SH3RF3: variants seen among roughly 807,000 people sequenced by gnomAD.
SH3RF3 encodes SH3 domain containing ring finger 3, also known as E3 ubiquitin-protein ligase SH3RF3.
A neutral mutation model predicts 66.3 loss-of-function variants in SH3RF3; 29 were observed. The observed-to-expected ratio is 0.44, with a 90% CI of 0.33 to 0.60. SH3RF3 has a LOEUF of 0.60. Among genes scored for constraint, SH3RF3 ranks in the 20% least tolerant of loss-of-function variants. The pLI, the probability that SH3RF3 is intolerant of heterozygous loss-of-function variation, is 0.04. For synonymous variants in SH3RF3, 583 were observed against 532.0 expected, an observed-to-expected ratio of 1.10 and a Z score of -1.32; for missense variants, 1,194 against 1,190.9, an observed-to-expected ratio of 1.00 and a Z score of -0.04.
intron 7 of SH3RF3, among the ~76,000 whole-genome samples, chr2:109,448,833 T>C (rs1326853498): frequency 1.3e-5 from 2 of 152,172 alleles, no homozygotes; most frequent in Non-Finnish European, 2.9e-5. Flanking sequence ...GCCAAAATGG[T>C]TGGGGACCGC....
intron 3 of SH3RF3, among the ~76,000 whole-genome samples, chr2:109,390,240 A>G (rs1675949083): frequency 6.6e-6 from 1 of 152,168 alleles, no homozygotes; most frequent in Non-Finnish European, 1.5e-5. Flanking sequence ...TTCTTTGCCC[A>G]TAAACTACCA....
intron 1 of SH3RF3, among the ~76,000 whole-genome samples, chr2:109,262,727 T>A (rs1392320124): frequency 6.6e-6 from 1 of 152,268 alleles, no homozygotes; most frequent in Non-Finnish European, 1.5e-5. Context: ...AATAGCTTTG[T>A]TCTCACTTAC....
At chr2:109,302,901 G>C (rs554161719) in intron 1 of SH3RF3, among the ~76,000 whole-genome samples, 1 of 152,104 alleles carries the variant, frequency 6.6e-6, no homozygotes, top group Admixed American at 6.5e-5. Flanking sequence ...TTTTGAGGCA[G>C]AGTCTTGCTC....
intron 8 of SH3RF3, among the ~76,000 whole-genome samples, chr2:109,481,456 G>T (rs1278362543): frequency 6.6e-6 from 1 of 152,208 alleles, no homozygotes; most frequent in Non-Finnish European, 1.5e-5. Context: ...TATGTTCTCG[G>T]TGACTGGTCA....
chr2:109,351,487 C>T (rs896183230), intron 2 of SH3RF3, among the ~76,000 whole-genome samples: 2 of 152,256 alleles, frequency 1.3e-5, no homozygotes, highest in African/African-American at 4.8e-5. Context: ...TTGTCTTACT[C>T]AGCTCACCTG....
intron 2 of SH3RF3, among the ~76,000 whole-genome samples, chr2:109,349,991 G>C (rs1047992896): frequency 6.6e-6 from 1 of 152,230 alleles, no homozygotes; most frequent in African/African-American, 2.4e-5. Flanking sequence ...AGTCAGGTGC[G>C]GGAGACAGGC....
chr2:109,328,949 G>C lies in SH3RF3; in HGVS notation c.574-18725G>C, dbSNP rs1266645979. On this transcript the variant is annotated intron_variant, in intron 1 of 9. Transcript: ENST00000309415. ...CTGGGGTTGTTAACGGGGTGGTCAT[G>C]ACAAGCTTGGCCACGTCCTTCCTCC... Among the ~76,000 whole-genome samples the C allele has an allele frequency of 2.0e-5, 3 of 152,284 alleles. No individual in the cohort carries two copies. The East Asian group carries it at 5.8e-4, about 29-fold the overall frequency.
At chr2:109,432,757 T>A in intron 6 of SH3RF3, 86 bp downstream of exon 6, 1 of 1,485,018 alleles carries the variant, frequency 6.7e-7, no homozygotes, top group Admixed American at 2.3e-5. Flanking sequence ...GAGGCTACTC[T>A]GTCAGCCGGG....
chr2:109,259,727 C>T (rs1343763432), intron 1 of SH3RF3, among the ~76,000 whole-genome samples: 1 of 152,148 alleles, frequency 6.6e-6, no homozygotes, highest in African/African-American at 2.4e-5. Context: ...TGGTTCTTTT[C>T]ACTTCTTTTT....
At position 109,342,583 on chromosome 2, in the gene SH3RF3, T is replaced by TG. The variant is rs1463984426; in HGVS notation, c.574-5088dup. On this transcript the variant is annotated intron_variant, in intron 1 of 9. Coordinates refer to ENST00000309415, the MANE Select transcript of SH3RF3 (RefSeq NM_001099289.3). ...CTCCACGCTCTCCACCCCAGCTTGC[T>TG]GGGAGGTCTGGAATAGGCCAGTTGG... 7.4e-4 allele frequency among the ~76,000 whole-genome samples: 112 copies of TG among 152,286 alleles called. 2 individuals carry two copies. Among genetic ancestry groups the TG allele is most frequent in the Non-Finnish European group, 1.2e-3 (79 of 68,010 alleles).
At chr2:109,151,324 G>T (rs1428341887) in intron 1 of SH3RF3, among the ~76,000 whole-genome samples, 4 of 152,112 alleles carry the variant, frequency 2.6e-5, no homozygotes, top group Non-Finnish European at 5.9e-5. Flanking sequence ...CTGGAAATCT[G>T]TGCCTACACG....
chr2:109,372,634 C>T (rs1683298173), intron 3 of SH3RF3, among the ~76,000 whole-genome samples: 1 of 152,236 alleles, frequency 6.6e-6, no homozygotes, highest in Admixed American at 6.5e-5. Flanking sequence ...GGTCCCACAG[C>T]CGAGGAGTGG....
At chr2:109,246,757 A>G (rs1238402128) in intron 1 of SH3RF3, among the ~76,000 whole-genome samples, 2 of 152,114 alleles carry the variant, frequency 1.3e-5, no homozygotes, top group African/African-American at 2.4e-5. Flanking sequence ...CGGGGTGGAG[A>G]TGATACCTGA....
chr2:109,364,228 C>G (rs186892820), intron 2 of SH3RF3, among the ~76,000 whole-genome samples: 1 of 151,296 alleles, frequency 6.6e-6, no homozygotes, highest in Admixed American at 6.6e-5. Context: ...GAGATATCCT[C>G]AAGCTCAGAG....
chr2:109,147,891 C>A (rs1315225827), intron 1 of SH3RF3, among the ~76,000 whole-genome samples: 2 of 152,194 alleles, frequency 1.3e-5, no homozygotes, highest in Non-Finnish European at 2.9e-5. Flanking sequence ...TTTATAAACT[C>A]TGCGTTTATA....
chr2:109,300,884 C>T (rs1035744200), intron 1 of SH3RF3, among the ~76,000 whole-genome samples: 1 of 152,206 alleles, frequency 6.6e-6, no homozygotes, highest in African/African-American at 2.4e-5. Flanking sequence ...AGAGTGCCCT[C>T]TCTGCTGCTT....
chr2:109,328,088 A>G (rs557424668), intron 1 of SH3RF3, among the ~76,000 whole-genome samples: 9 of 152,268 alleles, frequency 5.9e-5, no homozygotes, highest in East Asian at 3.9e-4. Context: ...TTATCCTTCA[A>G]TATTTCAGTA....
intron 1 of SH3RF3, among the ~76,000 whole-genome samples, chr2:109,245,478 A>G (rs1679894592): frequency 6.6e-6 from 1 of 152,170 alleles, no homozygotes; most frequent in Admixed American, 6.5e-5. Flanking sequence ...TTCCTATGTG[A>G]GTTGATTATT....
At chr2:109,456,932 C>T (rs1245420529) in intron 8 of SH3RF3, among the ~76,000 whole-genome samples, 2 of 152,222 alleles carry the variant, frequency 1.3e-5, no homozygotes, top group African/African-American at 4.8e-5. Context: ...GGAAGGAGCA[C>T]AGTCATCTCA....
Sources: gnomAD v4.1 joint callset for allele counts (sites outside exome capture counted in the v4.1 genomes callset) on GRCh38, gnomAD v4.1.1 for gene constraint, MANE v1.5 for transcripts, NCBI Gene and HGNC (gene_info 2026-07-23, HGNC 2026-07-21) for gene names.